The following WDPCP variants were observed in gnomAD, a reference collection of about 807,000 sequenced individuals.
The protein encoded by WDPCP is WD repeat-containing and planar cell polarity effector protein fritz homolog.
In WDPCP, 71 loss-of-function variants were observed where a neutral mutation model predicts 93.1. That is an observed-to-expected ratio of 0.76 (90% confidence interval 0.63 to 0.93). The LOEUF is 0.93. WDPCP is among the 40% of genes least tolerant of loss of function. The probability of loss-of-function intolerance (pLI) is 0.00; values close to 1 mark genes in which losing one functional copy is unlikely to be tolerated. For synonymous variants in WDPCP, 315 were observed against 315.0 expected (o/e 1.00, Z 0.00); for missense variants, 844 against 887.4 (o/e 0.95, Z 0.62).
chr2:63,456,514 A>T (rs1698630798), intron 6 of WDPCP, among the ~76,000 whole-genome samples: 1 of 152,224 alleles, frequency 6.6e-6, no homozygotes. Context: ...CAGTGAAAGC[A>T]GTGCTAAGAG....
At chr2:63,500,510 T>C (rs1425509573) in intron 1 of WDPCP, among the ~76,000 whole-genome samples, 2 of 150,258 alleles carry the variant, frequency 1.3e-5, no homozygotes, top group Admixed American at 6.6e-5. Context: ...ATCAAACTTG[T>C]TGGTTCTGAA....
chr2:63,259,981 C>A (rs1440855562), intron 13 of WDPCP, among the ~76,000 whole-genome samples: 5 of 152,024 alleles, frequency 3.3e-5, no homozygotes, highest in Admixed American at 3.3e-4. Context: ...TAGTTAATTA[C>A]AAAAAAGTAT....
intron 2 of WDPCP, among the ~76,000 whole-genome samples, chr2:63,722,984 C>T (rs537207249): frequency 6.6e-6 from 1 of 152,164 alleles, no homozygotes; most frequent in Admixed American, 6.5e-5. Flanking sequence ...TGTGACCTTA[C>T]CCCCAACCCT....
intron 3 of WDPCP, among the ~76,000 whole-genome samples, chr2:63,624,077 AATG>A (rs774583542): frequency 6.6e-6 from 1 of 152,240 alleles, no homozygotes; most frequent in Non-Finnish European, 1.5e-5. Flanking sequence ...CCTGCTCCTG[AATG>A]ACTACTGGGT....
At chr2:63,263,687 A>G (rs184532180) in intron 13 of WDPCP, among the ~76,000 whole-genome samples, 32 of 152,212 alleles carry the variant, frequency 2.1e-4, no homozygotes, top group Admixed American at 1.2e-3. Context: ...TCAAGAAAAT[A>G]AAACCCACTT....
chr2:63,285,851 G>C (rs1683957628), intron 13 of WDPCP, among the ~76,000 whole-genome samples: 1 of 152,156 alleles, frequency 6.6e-6, no homozygotes, highest in African/African-American at 2.4e-5. Flanking sequence ...CAAACAGAAA[G>C]TCAGTGGATA....
chr2:63,289,488 C>T (rs963212981), intron 13 of WDPCP, among the ~76,000 whole-genome samples: 1 of 151,936 alleles, frequency 6.6e-6, no homozygotes, highest in African/African-American at 2.4e-5. Flanking sequence ...TATTTGGGAA[C>T]TTCATAGATA....
At chr2:63,499,235 G>C (rs1456431067) in intron 1 of WDPCP, among the ~76,000 whole-genome samples, 4 of 152,074 alleles carry the variant, frequency 2.6e-5, no homozygotes, top group African/African-American at 4.8e-5. Context: ...TTTTGCTAGA[G>C]GGAAATAGAT....
chr2:63,731,052 C>A (rs1015594187), intron 2 of WDPCP, among the ~76,000 whole-genome samples: 1 of 151,912 alleles, frequency 6.6e-6, no homozygotes, highest in African/African-American at 2.4e-5. Flanking sequence ...GGGCGGATCA[C>A]GAGGTCAGGA....
intron 13 of WDPCP, among the ~76,000 whole-genome samples, chr2:63,264,349 T>C (rs1681918193): frequency 6.6e-6 from 1 of 152,144 alleles, no homozygotes; most frequent in Non-Finnish European, 1.5e-5. Context: ...GATATACTTT[T>C]AGTAAAAAGG....
intron 13 of WDPCP, among the ~76,000 whole-genome samples, chr2:63,305,975 T>A (rs1685703428): frequency 6.6e-6 from 1 of 151,900 alleles, no homozygotes; most frequent in Non-Finnish European, 1.5e-5. Context: ...TTGAAAAGAT[T>A]AACAAAATAC....
chr2:63,489,426 T>A (rs1430367817), intron 2 of WDPCP, among the ~76,000 whole-genome samples: 1 of 152,138 alleles, frequency 6.6e-6, no homozygotes, highest in African/African-American at 2.4e-5. Flanking sequence ...GCAAGCTCTG[T>A]CCACTGAGAG....
intron 14 of WDPCP, among the ~76,000 whole-genome samples, chr2:63,241,703 A>T (rs553722142): frequency 6.6e-6 from 1 of 152,084 alleles, no homozygotes; most frequent in Non-Finnish European, 1.5e-5. Flanking sequence ...GGCTCAAATG[A>T]TGTTCTATCT....
intron 15 of WDPCP, among the ~76,000 whole-genome samples, chr2:63,165,139 T>C (rs1445213736): frequency 6.6e-6 from 1 of 152,210 alleles, no homozygotes; most frequent in Non-Finnish European, 1.5e-5. Context: ...TGTGACACTA[T>C]GTAAGAGACA....
intron 12 of WDPCP, among the ~76,000 whole-genome samples, chr2:63,376,744 T>C (rs1691884297): frequency 6.6e-6 from 1 of 151,898 alleles, no homozygotes; most frequent in Non-Finnish European, 1.5e-5. Flanking sequence ...GACAGCCTCA[T>C]TTATATGAAG....
chr2:63,569,321 T>G (rs1181986323), intron 1 of WDPCP, among the ~76,000 whole-genome samples: 1 of 152,196 alleles, frequency 6.6e-6, no homozygotes, highest in Admixed American at 6.5e-5. Flanking sequence ...AAAAGAAGAA[T>G]GCAATTGGGA....
At position 63,528,837 on chromosome 2, in the gene WDPCP, A is replaced by T. The variant is rs908521488; in HGVS notation, c.76-35897T>A. Among the ~76,000 whole-genome samples the T allele has an allele frequency of 5.3e-5, 8 of 152,126 alleles. No homozygotes were observed. The East Asian group carries it at 7.7e-4, about 15-fold the overall frequency. On this transcript the variant is annotated intron_variant, in intron 1 of 17. Coordinates refer to ENST00000272321, the MANE Select transcript of WDPCP (RefSeq NM_015910.7). ...CCATCTTCACGATATTGATTCTTCC[A>T]ATCCATGAACATGGAATGTTCTTCC...
intron 12 of WDPCP, among the ~76,000 whole-genome samples, chr2:63,372,258 C>G (rs1332869896): frequency 6.6e-6 from 1 of 152,104 alleles, no homozygotes; most frequent in Non-Finnish European, 1.5e-5. Context: ...TCACAGGGAG[C>G]ATCAAGCCAT....
At chr2:63,831,342 C>T (rs1015523733), upstream of WDPCP, among the ~76,000 whole-genome samples, 6 of 152,154 alleles carry the variant, frequency 3.9e-5, no homozygotes, top group African/African-American at 1.2e-4. Flanking sequence ...TGCACTTATT[C>T]ATTTCCTCAC....
Sources: allele counts gnomAD v4.1 joint callset (sites outside exome capture counted in the v4.1 genomes callset), GRCh38; gene constraint gnomAD v4.1.1; transcripts MANE v1.5; gene names NCBI Gene and HGNC (gene_info 2026-07-23, HGNC 2026-07-21).